ADK: variants seen among roughly 807,000 people sequenced by gnomAD.
The protein encoded by ADK is adenosine kinase.
ADK carries 24 observed loss-of-function variants against 44.7 expected under a neutral mutation model. The observed-to-expected ratio is 0.54, with a 90% confidence interval of 0.39 to 0.76. The LOEUF is 0.76. Ranked by LOEUF, ADK falls within the 30% of genes least tolerant of loss-of-function variation. ADK has a pLI of 0.00. For missense variants in ADK, 321 were observed against 425.1 expected (o/e 0.76, Z 2.15); for synonymous variants, 128 against 142.6 (o/e 0.90, Z 0.73).
intron 7 of ADK, among the ~76,000 whole-genome samples, chr10:74,570,808 G>A (rs1419546083): frequency 1.3e-5 from 2 of 152,122 alleles, no homozygotes; most frequent in African/African-American, 2.4e-5. Context: ...GCCCTGGCCA[G>A]AACTTCCAAC....
intron 9 of ADK, among the ~76,000 whole-genome samples, chr10:74,609,057 C>G (rs1329895931): frequency 6.6e-6 from 1 of 152,196 alleles, no homozygotes; most frequent in African/African-American, 2.4e-5. Context: ...ACCGCCTACT[C>G]AAGCCTCGGT....
intron 4 of ADK, among the ~76,000 whole-genome samples, chr10:74,385,187 A>G (rs141268535): frequency 4.6e-5 from 7 of 152,040 alleles, no homozygotes; most frequent in Non-Finnish European, 7.4e-5. Context: ...ATATATCTCA[A>G]TAAATTTTTT....
rs115956806 is a variant in ADK, at chr10:74,241,355, T to A, written c.194+16764T>A. 2.4e-3 allele frequency among the ~76,000 whole-genome samples: 359 copies of A among 152,280 alleles called. 1 individual carries two copies. Among genetic ancestry groups the A allele is most frequent in the African/African-American group, 7.6e-3 (317 of 41,576 alleles). ...ACCAGAGTGGTACATTTGATACAATTGATGAACCAATATTGACACATCCAA... is the reference window on the plus strand; with the variant it reads ...ACCAGAGTGGTACATTTGATACAATAGATGAACCAATATTGACACATCCAA... On this transcript the variant is annotated intron_variant, in intron 3 of 10. Coordinates refer to ENST00000539909, the MANE Select transcript of ADK (RefSeq NM_006721.4).
intron 9 of ADK, among the ~76,000 whole-genome samples, chr10:74,666,491 CAA>C (rs144794284): frequency 0.019 from 2,950 of 152,222 alleles, 100 homozygotes; most frequent in African/African-American, 0.067. Context: ...TCTCACTTTA[CAA>C]AAAGTTTGTG....
At chr10:74,311,252 C>G (rs986687796) in intron 3 of ADK, among the ~76,000 whole-genome samples, 1 of 152,052 alleles carries the variant, frequency 6.6e-6, no homozygotes, top group Admixed American at 6.6e-5. Flanking sequence ...TGGAAAATAC[C>G]TATCAATAGA....
chr10:74,392,674 C>T (rs1212845511), intron 4 of ADK, among the ~76,000 whole-genome samples: 1 of 151,980 alleles, frequency 6.6e-6, no homozygotes, highest in African/African-American at 2.4e-5. Flanking sequence ...GCTTTTGTTG[C>T]CTGTGCTTTT....
rs369689288 is a variant in ADK, at chr10:74,481,281, G to A, written c.556-43975G>A. 1.6e-4 allele frequency among the ~76,000 whole-genome samples: 25 copies of A among 152,086 alleles called. 1 individual carries two copies. Among genetic ancestry groups the A allele is most frequent in the African/African-American group, 1.2e-4 (5 of 41,428 alleles). On this transcript the variant is annotated intron_variant, in intron 6 of 10. Coordinates refer to ENST00000539909, the MANE Select transcript of ADK (RefSeq NM_006721.4). ...GAAATAGATTTTGAACTGTTTTTCT[G>A]TGCTACTACTTTGTTACTCTAATTT... is the stretch of plus-strand genomic sequence containing the variant.
chr10:74,157,219 T>A (rs1230267923), intron 1 of ADK, among the ~76,000 whole-genome samples: 4 of 152,092 alleles, frequency 2.6e-5, no homozygotes, highest in Non-Finnish European at 4.4e-5. Flanking sequence ...GGGTGGCCTA[T>A]CACAGAACCC....
chr10:74,170,782 A>G (rs2132054272), intron 1 of ADK, among the ~76,000 whole-genome samples: 1 of 150,498 alleles, frequency 6.6e-6, no homozygotes, highest in East Asian at 1.9e-4. Context: ...CCTGGGCGAC[A>G]GAGCAAGACT....
intron 6 of ADK, among the ~76,000 whole-genome samples, chr10:74,424,779 T>TTCA (rs1844732355): frequency 1.3e-5 from 2 of 152,270 alleles, no homozygotes; most frequent in African/African-American, 4.8e-5. Context: ...TAATTGTATC[T>TTCA]TCAGCAGTGT....
At chr10:74,195,714 T>C (rs1488160823) in intron 1 of ADK, among the ~76,000 whole-genome samples, 3 of 144,254 alleles carry the variant, frequency 2.1e-5, no homozygotes, top group East Asian at 2.0e-4. Flanking sequence ...TTTCTTTTTT[T>C]TTTTTTTTTT....
At chr10:74,440,320 A>G (rs911394458) in intron 6 of ADK, among the ~76,000 whole-genome samples, 1 of 152,160 alleles carries the variant, frequency 6.6e-6, no homozygotes, top group African/African-American at 2.4e-5. Context: ...GAGAGGTTAA[A>G]TAATTGGCTA....
intron 6 of ADK, among the ~76,000 whole-genome samples, chr10:74,462,966 GGTCTCAAGCCT>G (rs1252512522): frequency 1.3e-5 from 2 of 152,074 alleles, no homozygotes; most frequent in Non-Finnish European, 2.9e-5. Context: ...GCTTTATGAA[GGTCTCAAGCCT>G]GTCTCCTGGA....
chr10:74,188,343 A>ATTTTTTTTTTTTTTT (rs765922880), intron 1 of ADK, among the ~76,000 whole-genome samples: 2 of 81,368 alleles, frequency 2.5e-5, no homozygotes. Flanking sequence ...TGTATTTTTA[A>ATTTTTTTTTTTTTTT]TTTTTTTTTT....
chr10:74,218,407 A>G (rs1844151425), intron 2 of ADK, among the ~76,000 whole-genome samples: 1 of 152,228 alleles, frequency 6.6e-6, no homozygotes, highest in Admixed American at 6.5e-5. Context: ...TGTACCTGAA[A>G]GTGACGGGGA....
At chr10:74,585,044 T>C (rs1382493848) in intron 7 of ADK, among the ~76,000 whole-genome samples, 1 of 152,208 alleles carries the variant, frequency 6.6e-6, no homozygotes, top group Non-Finnish European at 1.5e-5. Flanking sequence ...TGAGTTTCTT[T>C]CCTTTCCTGC....
Position 74,443,173 on chromosome 10 carries a change from A to G in ADK, c.555+44594A>G, listed in dbSNP as rs1026493167. 4.6e-5 allele frequency among the ~76,000 whole-genome samples: 7 copies of G among 152,154 alleles called. 1 individual carries two copies. Among genetic ancestry groups the G allele is most frequent in the Admixed American group, 3.3e-4 (5 of 15,264 alleles). ...AAGTAGCTCTTAAGTCTTCTACCAC[A>G]CACAAAAAAAGATAAATTTGTAAGT... On this transcript the variant is annotated intron_variant, in intron 6 of 10. Coordinates refer to ENST00000539909, the MANE Select transcript of ADK (RefSeq NM_006721.4).
At position 74,567,686 on chromosome 10, in the gene ADK, TTTTG is replaced by T. The variant is rs1360264382; in HGVS notation, c.727-21592_727-21589del. On this transcript the variant is annotated intron_variant, in intron 7 of 10. Transcript: ENST00000539909. ...CTTTTGTTCTCTCTCTCTCTGTTTT[TTTTG>T]TTTTTTTTGTTTTTTTTTTTTTTTT... 2.2e-5 allele frequency among the ~76,000 whole-genome samples: 3 copies of T among 138,332 alleles called. No individual in the cohort carries two copies. The South Asian group carries it at 6.9e-4, about 32-fold the overall frequency. 90.8% of individuals were successfully genotyped at this position (138,332 alleles called of 152,430 possible).
intron 1 of ADK, among the ~76,000 whole-genome samples, chr10:74,195,440 TACTTA>T (rs10534993): frequency 0.032 from 4,852 of 152,244 alleles, 272 homozygotes; most frequent in African/African-American, 0.11. Context: ...GTATCTTTTT[TACTTA>T]ACTTACTATT....
Sources: allele counts gnomAD v4.1 joint callset (sites outside exome capture counted in the v4.1 genomes callset), GRCh38; gene constraint gnomAD v4.1.1; transcripts MANE v1.5; gene names NCBI Gene and HGNC (gene_info 2026-07-23, HGNC 2026-07-21).